The following FAM135A variants were observed in gnomAD, a reference collection of about 807,000 sequenced individuals.
FAM135A encodes family with sequence similarity 135 member A.
FAM135A carries 79 observed loss-of-function variants against 146.8 expected under a neutral mutation model. That is an observed-to-expected ratio of 0.54 (90% confidence interval 0.45 to 0.65). The LOEUF is 0.65. Among genes scored for constraint, FAM135A ranks in the 30% least tolerant of loss-of-function variants. FAM135A has a pLI of 0.00. For synonymous variants in FAM135A, 562 were observed against 603.6 expected, an observed-to-expected ratio of 0.93 and a Z score of 1.01; for missense variants, 1,623 against 1,758.2, an observed-to-expected ratio of 0.92 and a Z score of 1.38.
At position 70,503,418 on chromosome 6, in the gene FAM135A, T is replaced by C. The variant is rs553569874; in HGVS notation, c.1029+627T>C. On this transcript the variant is annotated intron_variant, in intron 12 of 21. Coordinates refer to ENST00000418814, the MANE Select transcript of FAM135A (RefSeq NM_001162529.3). ...GTACTAGGAGTTCCTCCAAACATCA[T>C]TAATTTTTTTCCTTTTTTAAAAAAA... 4.6e-5 allele frequency: 7 copies of C among 152,148 alleles called. 1 individual carries two copies. The highest frequency in any genetic ancestry group is 1.3e-4 in the Admixed American group (2 of 15,280). The allele number at this position is 152,148 out of a possible 1,614,324, so 9.4% of individuals were successfully genotyped here. A position where few individuals can be genotyped will look rare whatever the true frequency, so the allele number is the denominator to read the frequency against.
chr6:70,508,437 CTT>C, intron 12 of FAM135A, among the ~76,000 whole-genome samples: 1 of 152,258 alleles, frequency 6.6e-6, no homozygotes, highest in South Asian at 2.1e-4. Flanking sequence ...AAAGATACCT[CTT>C]GTTGTGTTAT....
In FAM135A at chr6:70,524,918, T is replaced by C. The variant is rs759351778; in HGVS notation, c.1834T>C (p.Leu612=). The C allele has an allele frequency of 1.2e-6, 2 of 1,612,112 alleles. No individual in the cohort carries two copies. The highest frequency in any genetic ancestry group is 1.7e-6 in the Non-Finnish European group (2 of 1,179,372). Residue 612 remains leucine (L), a synonymous_variant, in exon 15 of 22, where the codon TTG becomes CTG. Transcript: ENST00000418814. The part of the protein sequence containing the change: ...NSGNLNLCAN[L]SISGKLDISQ... Reference sequence around the variant, plus strand: ...TGGCAACCTAAATCTTTGTGCAAATTTGTCCATTTCAGGTAAACTTGATAT... The same window carrying C: ...TGGCAACCTAAATCTTTGTGCAAATCTGTCCATTTCAGGTAAACTTGATAT...
At chr6:70,533,139 A>T in intron 16 of FAM135A, 21 bp from the exon 17 acceptor site, 1 of 1,582,940 alleles carries the variant, frequency 6.3e-7, no homozygotes, top group Non-Finnish European at 8.7e-7. Flanking sequence ...CATCCTTTAA[A>T]CATCATTTTT....
chr6:70,436,185 A>C (rs1011736993), intron 4 of FAM135A, among the ~76,000 whole-genome samples: 24 of 131,620 alleles, frequency 1.8e-4, no homozygotes, highest in Non-Finnish European at 3.2e-4. Context: ...ATTCTGTCTC[A>C]AAAAAAAAAA....
intron 11 of FAM135A, among the ~76,000 whole-genome samples, chr6:70,491,547 A>C (rs1785977591): frequency 6.6e-6 from 1 of 151,920 alleles, no homozygotes; most frequent in Non-Finnish European, 1.5e-5. Flanking sequence ...AACTATTTAA[A>C]TGTATGTTTC....
chr6:70,505,045 C>T (rs542722303), intron 12 of FAM135A: 4 of 146,598 alleles, frequency 2.7e-5, no homozygotes, highest in South Asian at 4.4e-4. Context: ...TTTGCTTTAT[C>T]ATTGCCTGTT....
chr6:70,539,528 C>T (rs963906268), intron 20 of FAM135A, among the ~76,000 whole-genome samples: 2 of 152,204 alleles, frequency 1.3e-5, no homozygotes, highest in Non-Finnish European at 2.9e-5. Flanking sequence ...TCGTCGTTTA[C>T]TAAGTACCAC....
intron 3 of FAM135A, 24 bp from the exon 4 acceptor site, chr6:70,428,280 A>T (rs1320333152): frequency 1.7e-6 from 2 of 1,209,236 alleles, no homozygotes; most frequent in Non-Finnish European, 2.3e-6. Flanking sequence ...GCTTCTCATG[A>T]TTTTTTCCCT....
chr6:70,419,702 T>C (rs1341597591), intron 2 of FAM135A, among the ~76,000 whole-genome samples: 2 of 152,194 alleles, frequency 1.3e-5, no homozygotes, highest in Non-Finnish European at 2.9e-5. Flanking sequence ...AAGCCCCTCA[T>C]CTAATTGTGT....
intron 12 of FAM135A, among the ~76,000 whole-genome samples, chr6:70,522,109 G>A (rs1042509873): frequency 3.9e-5 from 6 of 152,182 alleles, no homozygotes; most frequent in African/African-American, 1.2e-4. Flanking sequence ...TAGAGACAGG[G>A]TTTCACCATG....
At chr6:70,521,579 A>G (rs1793589786) in intron 12 of FAM135A, among the ~76,000 whole-genome samples, 1 of 152,226 alleles carries the variant, frequency 6.6e-6, no homozygotes, top group South Asian at 2.1e-4. Context: ...CCGGATATTG[A>G]TGACAAGTAA....
In FAM135A at chr6:70,524,118, G is replaced by A. The variant is rs771764871; in HGVS notation, c.1255G>A (p.Glu419Lys). ...AGATAGGTATTTAGATTCAGTTACT[G>A]AAGGTAAGTGTAATCTAACTAAAAT... ...FEDRYLDSVT[E>K]DLDAPWMGIQ... The change falls in exon 14 of 22, where the codon GAA becomes AAA. Residue 419 changes from glutamate to lysine, a missense_variant. This residue lies in a region of FAM135A where 1,061 missense variants were observed against 1,113.8 expected (regional missense o/e 0.95). Coordinates refer to ENST00000418814, the MANE Select transcript of FAM135A (RefSeq NM_001162529.3). 1 of 1,607,862 alleles carries A rather than the reference G, an allele frequency of 6.2e-7. No individual in the cohort carries two copies. The highest frequency in any genetic ancestry group is 1.1e-5 in the South Asian group (1 of 90,520).
At chr6:70,504,158 G>T (rs1283206085) in intron 12 of FAM135A, 2 of 152,132 alleles carry the variant, frequency 1.3e-5, no homozygotes, top group Non-Finnish European at 2.9e-5. Context: ...TTTAAACTTT[G>T]CCAAACTGAT....
chr6:70,475,990 T>C (rs1468543011), intron 7 of FAM135A, among the ~76,000 whole-genome samples: 1 of 152,232 alleles, frequency 6.6e-6, no homozygotes, highest in African/African-American at 2.4e-5. Context: ...ATTGCACTGT[T>C]AATGTAATAC....
chr6:70,421,586 G>C (rs939609303), intron 2 of FAM135A, among the ~76,000 whole-genome samples: 2 of 152,170 alleles, frequency 1.3e-5, no homozygotes, highest in African/African-American at 4.8e-5. Context: ...GGCTTTTCAC[G>C]TAAGTTTCTC....
In FAM135A at chr6:70,481,310, C is replaced by T. The variant is rs1783659696; in HGVS notation, c.669+283C>T. On this transcript the variant is annotated intron_variant, in intron 9 of 21. Transcript: ENST00000418814. ...TGGTCCAACAACTGGTAGAATCATT[C>T]CAAAGGAGCCTTTAAAGAACAATTG... Among the ~76,000 whole-genome samples the T allele has an allele frequency of 2.0e-5, 3 of 152,182 alleles. No individual in the cohort carries two copies. The South Asian group carries it at 6.2e-4, about 32-fold the overall frequency.
intron 8 of FAM135A, among the ~76,000 whole-genome samples, chr6:70,479,548 T>C (rs1430874584): frequency 6.6e-6 from 1 of 152,078 alleles, no homozygotes; most frequent in Non-Finnish European, 1.5e-5. Context: ...TCTCTACCTA[T>C]AAATGAAAGG....
At chr6:70,509,508 G>A (rs181501837) in intron 12 of FAM135A, among the ~76,000 whole-genome samples, 12 of 152,264 alleles carry the variant, frequency 7.9e-5, no homozygotes, top group African/African-American at 2.6e-4. Context: ...TTCATAGATG[G>A]ATAGACTATA....
chr6:70,522,652 ATT>A, intron 13 of FAM135A, 66 bp downstream of exon 13: 1 of 1,272,370 alleles, frequency 7.9e-7, no homozygotes, highest in South Asian at 1.3e-5. Context: ...CTGTCTCAGA[ATT>A]TATCAGTGAC....
Sources: gnomAD v4.1 joint callset for allele counts (sites outside exome capture counted in the v4.1 genomes callset) on GRCh38, gnomAD v4.1.1 for gene constraint, gnomAD v4.1.1 regional missense constraint, MANE v1.5 for transcripts, NCBI Gene and HGNC (gene_info 2026-07-23, HGNC 2026-07-21) for gene names.